CSMD1: variants seen among roughly 807,000 people sequenced by gnomAD.
CSMD1 encodes the protein CUB and Sushi multiple domains 1.
Under a neutral mutation model 417.5 loss-of-function variants are expected in CSMD1, and 213 were observed. The observed-to-expected ratio is 0.51, with a 90% CI of 0.46 to 0.57. CSMD1 has a LOEUF of 0.57. Ranked by LOEUF, CSMD1 falls within the 20% of genes least tolerant of loss-of-function variation. The probability of loss-of-function intolerance (pLI) is 0.00; values close to 1 mark genes in which losing one functional copy is unlikely to be tolerated. For synonymous variants in CSMD1, 2,862 were observed against 1,736.8 expected (o/e 1.65, Z -16.11); for missense variants, 6,923 against 4,529.7 (o/e 1.53, Z -15.17).
At chr8:4,403,176 A>G (rs1563137113) in intron 3 of CSMD1, among the ~76,000 whole-genome samples, 1 of 152,158 alleles carries the variant, frequency 6.6e-6, no homozygotes, top group Non-Finnish European at 1.5e-5. Context: ...ATAAGACATT[A>G]GTCTGATTAC....
intron 10 of CSMD1, among the ~76,000 whole-genome samples, chr8:3,549,822 C>G (rs770228204): frequency 6.6e-6 from 1 of 152,102 alleles, no homozygotes; most frequent in African/African-American, 2.4e-5. Context: ...CTATAAACCA[C>G]CCAATTTCAG....
intron 3 of CSMD1, among the ~76,000 whole-genome samples, chr8:4,167,782 G>C (rs1410602371): frequency 6.6e-6 from 1 of 152,102 alleles, no homozygotes; most frequent in Non-Finnish European, 1.5e-5. Flanking sequence ...TTGAGTTCAG[G>C]AGTTTGAGAC....
chr8:3,158,040 T>C, intron 38 of CSMD1, 74 bp from the exon 39 acceptor site: 4 of 1,186,374 alleles, frequency 3.4e-6, no homozygotes, highest in Non-Finnish European at 4.8e-6. Flanking sequence ...TTTGAGAATA[T>C]CTGCATTTTT....
intron 36 of CSMD1, among the ~76,000 whole-genome samples, chr8:3,187,090 C>G (rs1310488878): frequency 6.6e-6 from 1 of 152,190 alleles, no homozygotes; most frequent in African/African-American, 2.4e-5. Context: ...AAGTTCATAA[C>G]TGGCAAAGTA....
chr8:4,123,482 T>C (rs1056160981), intron 3 of CSMD1, among the ~76,000 whole-genome samples: 2 of 152,252 alleles, frequency 1.3e-5, no homozygotes, highest in Admixed American at 6.5e-5. Flanking sequence ...ATCAGTGCAG[T>C]TGAATTGCTT....
chr8:4,200,485 G>C (rs1482220609), intron 3 of CSMD1, among the ~76,000 whole-genome samples: 1 of 152,158 alleles, frequency 6.6e-6, no homozygotes, highest in Non-Finnish European at 1.5e-5. Flanking sequence ...GAATCTCAGA[G>C]ATAATCACTT....
rs35761429 is a variant in CSMD1, at chr8:3,466,577, A to ATTTT, written c.1561+2131_1561+2134dup. Among the ~76,000 whole-genome samples the ATTTT allele has an allele frequency of 4.4e-3, 495 of 113,578 alleles. 9 individuals are homozygous for ATTTT. Among genetic ancestry groups the ATTTT allele is most frequent in the African/African-American group, 0.017 (450 of 26,488 alleles). 74.5% of individuals were successfully genotyped at this position (113,578 alleles called of 152,430 possible). On this transcript the variant is annotated intron_variant, in intron 12 of 69. Transcript: ENST00000635120. The stretch of plus-strand genomic sequence containing the variant: ...GGTACCCACCCTCCACAATCAGCTA[A>ATTTT]TTTTTTTTTTTTTTTTTTTTTTGTA...
At position 3,510,504 on chromosome 8, in the gene CSMD1, G is replaced by C. The variant is rs545064313; in HGVS notation, c.1345-16778C>G. Among the ~76,000 whole-genome samples, 7 of 151,906 alleles carry C rather than the reference G, an allele frequency of 4.6e-5. No individual in the cohort carries two copies. The South Asian group carries it at 1.0e-3, about 22-fold the overall frequency. The stretch of plus-strand genomic sequence containing the variant: ...CAGGGTCTCTGAAAATGAGGTCTTA[G>C]GAAAGAAAATCTTAGAAGGTCTTTA... On this transcript the variant is annotated intron_variant, in intron 10 of 69. Coordinates refer to ENST00000635120, the MANE Select transcript of CSMD1 (RefSeq NM_033225.6).
intron 3 of CSMD1, among the ~76,000 whole-genome samples, chr8:4,350,819 C>A (rs1283289531): frequency 6.6e-6 from 1 of 152,134 alleles, no homozygotes; most frequent in Non-Finnish European, 1.5e-5. Context: ...AGCAAGATGA[C>A]TTTGCTTTCC....
chr8:3,574,925 G>T lies in CSMD1; in HGVS notation c.1344+20C>A, dbSNP rs554920385. On this transcript the variant is annotated intron_variant, in intron 10 of 69. Coordinates refer to ENST00000635120, the MANE Select transcript of CSMD1 (RefSeq NM_033225.6). ...GAGTGCTGTGTGCATTAACCACAGG[G>T]GTTGGAGGCGGAGCCTTACCTTGTC... is the stretch of plus-strand genomic sequence containing the variant. 1 of 1,610,972 alleles carries T rather than the reference G, an allele frequency of 6.2e-7. No individual in the cohort carries two copies. The highest frequency in any genetic ancestry group is 2.2e-5 in the East Asian group (1 of 44,834).
Position 4,233,237 on chromosome 8 carries a change from C to T in CSMD1, c.415+186716G>A, listed in dbSNP as rs180784505. On this transcript the variant is annotated intron_variant, in intron 3 of 69. Transcript: ENST00000635120. ...TTTCTTTTTCTTTTTGAAGTTAACA[C>T]TGTTGTGACAGGGAAGATCAGCTTC... is the stretch of plus-strand genomic sequence containing the variant. Among the ~76,000 whole-genome samples, 3 of 152,172 alleles carry T rather than the reference C, an allele frequency of 2.0e-5. No individual in the cohort carries two copies. The East Asian group carries it at 5.8e-4, about 29-fold the overall frequency.
chr8:3,927,685 G>T (rs1350289772), intron 5 of CSMD1, among the ~76,000 whole-genome samples: 1 of 151,664 alleles, frequency 6.6e-6, no homozygotes, highest in Non-Finnish European at 1.5e-5. Flanking sequence ...AAATAGAAAA[G>T]AAAAGAAAAC....
At chr8:2,976,418 A>C (rs2128936070) in intron 55 of CSMD1, among the ~76,000 whole-genome samples, 1 of 152,252 alleles carries the variant, frequency 6.6e-6, no homozygotes, top group Admixed American at 6.5e-5. Flanking sequence ...CCTGGAGTGC[A>C]GTGGTGCAAT....
At chr8:3,666,188 G>A (rs533323463) in intron 7 of CSMD1, among the ~76,000 whole-genome samples, 30 of 152,240 alleles carry the variant, frequency 2.0e-4, no homozygotes, top group African/African-American at 6.5e-4. Context: ...GAGCCACCAC[G>A]CTTGGCTTGA....
At chr8:4,604,813 C>A (rs976658964) in intron 2 of CSMD1, among the ~76,000 whole-genome samples, 1 of 152,184 alleles carries the variant, frequency 6.6e-6, no homozygotes, top group African/African-American at 2.4e-5. Flanking sequence ...AGTTGTACCT[C>A]CTTTTTTCAG....
intron 30 of CSMD1, among the ~76,000 whole-genome samples, chr8:3,213,611 C>T (rs1797731440): frequency 6.6e-6 from 1 of 151,776 alleles, no homozygotes; most frequent in African/African-American, 2.4e-5. Context: ...ATGACATATC[C>T]ATTTAAATAT....
At chr8:3,398,548 G>A (rs1161091433) in intron 16 of CSMD1, among the ~76,000 whole-genome samples, 1 of 152,132 alleles carries the variant, frequency 6.6e-6, no homozygotes, top group Non-Finnish European at 1.5e-5. Context: ...ATACAATGAA[G>A]TTCATCTATC....
chr8:4,081,511 C>T (rs1014979520), intron 3 of CSMD1, among the ~76,000 whole-genome samples: 9 of 152,202 alleles, frequency 5.9e-5, no homozygotes, highest in Admixed American at 5.2e-4. Flanking sequence ...TGACAAGGAA[C>T]TGGGGTCCCC....
intron 5 of CSMD1, among the ~76,000 whole-genome samples, chr8:3,852,581 T>C (rs1166416186): frequency 2.6e-5 from 4 of 152,124 alleles, no homozygotes; most frequent in Admixed American, 1.3e-4. Context: ...AGTAGAGGAC[T>C]TACTCGTGTC....
Sources: allele counts gnomAD v4.1 joint callset (sites outside exome capture counted in the v4.1 genomes callset), GRCh38; gene constraint gnomAD v4.1.1; transcripts MANE v1.5; gene names NCBI Gene and HGNC (gene_info 2026-07-23, HGNC 2026-07-21).